The following PARD3B variants were observed in gnomAD, a reference collection of about 807,000 sequenced individuals.
The protein encoded by PARD3B is partitioning defective 3 homolog B.
In PARD3B, 103 loss-of-function variants were observed where a neutral mutation model predicts 130.2. The observed-to-expected ratio is 0.79, with a 90% CI of 0.67 to 0.93. The LOEUF (loss-of-function observed/expected upper bound fraction) is 0.93, where lower values mean the gene tolerates loss of function less well. Ranked by LOEUF, PARD3B falls within the 40% of genes least tolerant of loss-of-function variation. PARD3B has a pLI of 0.00. For synonymous variants in PARD3B, 583 were observed against 553.2 expected, an observed-to-expected ratio of 1.05 and a Z score of -0.76; for missense variants, 1,609 against 1,499.2, an observed-to-expected ratio of 1.07 and a Z score of -1.21.
At chr2:204,830,808 T>C (rs2043790923) in intron 2 of PARD3B, among the ~76,000 whole-genome samples, 1 of 152,164 alleles carries the variant, frequency 6.6e-6, no homozygotes, top group African/African-American at 2.4e-5. Flanking sequence ...TACTCTGTAG[T>C]TAGAGAGAAG....
chr2:204,911,103 A>G (rs1213579436), intron 2 of PARD3B, among the ~76,000 whole-genome samples: 3 of 152,000 alleles, frequency 2.0e-5, no homozygotes, highest in African/African-American at 4.8e-5. Flanking sequence ...TTTTTTCCTC[A>G]TGTGTCTGTG....
At chr2:205,109,163 CAA>C (rs1703444483) in intron 5 of PARD3B, among the ~76,000 whole-genome samples, 1 of 152,208 alleles carries the variant, frequency 6.6e-6, no homozygotes, top group South Asian at 2.1e-4. Flanking sequence ...TCACCAACAA[CAA>C]AGTCTTTGAT....
chr2:205,554,139 G>A (rs1332619940), intron 22 of PARD3B, among the ~76,000 whole-genome samples: 1 of 152,200 alleles, frequency 6.6e-6, no homozygotes, highest in African/African-American at 2.4e-5. Context: ...TGAGGTGAGA[G>A]TATGAGAATT....
Position 205,552,553 on chromosome 2 carries a change from C to T in PARD3B, c.3181-771C>T, listed in dbSNP as rs544335568. ...CCTCCTGAGTAACTGGGACTACAGG[C>T]GTGCACCACCACACCCGGCTAATTT... On this transcript the variant is annotated intron_variant, in intron 21 of 22. Transcript: ENST00000406610. Among the ~76,000 whole-genome samples the T allele has an allele frequency of 6.6e-5, 10 of 152,078 alleles. 1 individual carries two copies. The East Asian group carries it at 7.8e-4, about 12-fold the overall frequency.
chr2:204,932,886 G>A (rs771367163), intron 2 of PARD3B, among the ~76,000 whole-genome samples: 36 of 152,288 alleles, frequency 2.4e-4, no homozygotes, highest in Admixed American at 3.9e-4. Flanking sequence ...CACTGGTAGT[G>A]GTAACCCCAG....
rs1221737436 is a variant in PARD3B, at chr2:204,610,178, C to T, written c.120+64059C>T. Among the ~76,000 whole-genome samples, 2 of 152,106 alleles carry T rather than the reference C, an allele frequency of 1.3e-5. No homozygotes were observed. Among genetic ancestry groups the T allele is most frequent in the African/African-American group, 4.8e-5 (2 of 41,410 alleles). ...CATCGTGGCTGGAAATTCAGTTTTT[C>T]AGGTTTCTCTGGAGTCCCCTTGGCC... is the stretch of plus-strand genomic sequence containing the variant. On this transcript the variant is annotated intron_variant, in intron 1 of 22. Transcript: ENST00000406610. The surrounding 1 kb of genome is among the most constrained non-coding windows in gnomAD (Gnocchi z 4.1).
chr2:205,261,667 A>G (rs77528995), intron 16 of PARD3B, among the ~76,000 whole-genome samples: 17 of 152,300 alleles, frequency 1.1e-4, no homozygotes, highest in East Asian at 7.7e-4. Flanking sequence ...TTCTCGTTAT[A>G]TTTGTAGTTA....
At chr2:205,198,688 A>T (rs1238892196) in intron 15 of PARD3B, among the ~76,000 whole-genome samples, 1 of 152,138 alleles carries the variant, frequency 6.6e-6, no homozygotes, top group African/African-American at 2.4e-5. Flanking sequence ...AAAGATGAGC[A>T]TGAAAAAAGC....
chr2:204,809,876 A>G (rs748750282), intron 2 of PARD3B, among the ~76,000 whole-genome samples: 2 of 152,162 alleles, frequency 1.3e-5, no homozygotes, highest in Non-Finnish European at 1.5e-5. Flanking sequence ...ATCCATGAGC[A>G]TGGAATATTT....
At chr2:204,563,193 G>A (rs1306274095) in intron 1 of PARD3B, among the ~76,000 whole-genome samples, 5 of 142,190 alleles carry the variant, frequency 3.5e-5, no homozygotes, top group Non-Finnish European at 4.5e-5. Context: ...CTCTGCCTCC[G>A]TTTTTACATG....
intron 2 of PARD3B, among the ~76,000 whole-genome samples, chr2:204,686,971 A>G (rs2037114465): frequency 6.6e-6 from 1 of 152,140 alleles, no homozygotes; most frequent in Admixed American, 6.5e-5. Flanking sequence ...TCCTGTCATC[A>G]ATGGCTAATG....
intron 2 of PARD3B, among the ~76,000 whole-genome samples, chr2:204,842,121 A>G (rs911253875): frequency 5.3e-5 from 8 of 152,118 alleles, no homozygotes; most frequent in Non-Finnish European, 8.8e-5. Flanking sequence ...ATTTCATTTC[A>G]TGGAAGGATA....
At chr2:205,429,166 T>C (rs1049440017) in intron 19 of PARD3B, among the ~76,000 whole-genome samples, 9 of 152,232 alleles carry the variant, frequency 5.9e-5, no homozygotes, top group Admixed American at 1.3e-4. Flanking sequence ...GTGTATTATA[T>C]ATTATGGACT....
At chr2:204,590,376 G>T (rs781313175) in intron 1 of PARD3B, among the ~76,000 whole-genome samples, 1 of 152,174 alleles carries the variant, frequency 6.6e-6, no homozygotes, top group Non-Finnish European at 1.5e-5. Flanking sequence ...ACACAGATGC[G>T]CAGTTTGTAA....
intron 19 of PARD3B, among the ~76,000 whole-genome samples, chr2:205,412,984 A>G (rs2046652432): frequency 6.6e-6 from 1 of 152,222 alleles, no homozygotes; most frequent in Admixed American, 6.5e-5. Flanking sequence ...AGCATTCAGA[A>G]TAGTGCCAGG....
chr2:205,136,655 G>A lies in PARD3B; in HGVS notation c.1434+10918G>A, dbSNP rs549149585. ...AGACCCTTGACTTCCCACTGGAGGA[G>A]AAAAACAAACAGAAACAAATCAACA... On this transcript the variant is annotated intron_variant, in intron 10 of 22. Transcript: ENST00000406610. 4.5e-4 allele frequency among the ~76,000 whole-genome samples: 68 copies of A among 152,070 alleles called. 1 individual carries two copies. The highest frequency in any genetic ancestry group is 1.5e-3 in the African/African-American group (62 of 41,494).
intron 1 of PARD3B, among the ~76,000 whole-genome samples, chr2:204,570,848 G>A (rs189085934): frequency 0.1 from 14,579 of 145,344 alleles, 717 homozygotes; most frequent in Non-Finnish European, 0.12. Flanking sequence ...TTGCAACTGA[G>A]GTGTATAAGC....
chr2:205,082,199 A>G (rs1701458964), intron 4 of PARD3B, among the ~76,000 whole-genome samples: 1 of 152,152 alleles, frequency 6.6e-6, no homozygotes, highest in African/African-American at 2.4e-5. Flanking sequence ...TGGAATCTGC[A>G]GTGGTGTTCC....
At chr2:205,306,367 A>G (rs1389210785) in intron 18 of PARD3B, among the ~76,000 whole-genome samples, 2 of 152,260 alleles carry the variant, frequency 1.3e-5, no homozygotes, top group African/African-American at 4.8e-5. Flanking sequence ...ATAGTAATGT[A>G]TAAGGAAGAG....
Sources: allele counts gnomAD v4.1 joint callset (sites outside exome capture counted in the v4.1 genomes callset), GRCh38; gene constraint gnomAD v4.1.1; non-coding constraint Gnocchi (gnomAD v3.1); transcripts MANE v1.5; gene names NCBI Gene and HGNC (gene_info 2026-07-23, HGNC 2026-07-21).